CAMTA1: variants seen among roughly 807,000 people sequenced by gnomAD.
The protein encoded by CAMTA1 is calmodulin binding transcription activator 1.
In CAMTA1, 27 loss-of-function variants were observed where a neutral mutation model predicts 170.9. The ratio of observed to expected loss-of-function variants is 0.16; its 90% confidence interval spans 0.12 to 0.22. CAMTA1 has a LOEUF of 0.22. Among genes scored for constraint, CAMTA1 ranks in the 10% least tolerant of loss-of-function variants. CAMTA1 has a pLI of 1.00. For missense variants in CAMTA1, 1,619 were observed against 2,217.2 expected, an observed-to-expected ratio of 0.73 and a Z score of 5.42; for synonymous variants, 833 against 891.5, an observed-to-expected ratio of 0.93 and a Z score of 1.17.
intron 4 of CAMTA1, among the ~76,000 whole-genome samples, chr1:7,138,910 G>T (rs1645702073): frequency 6.6e-6 from 1 of 150,968 alleles, no homozygotes; most frequent in South Asian, 2.1e-4. Context: ...CAGGAGAATT[G>T]CTTGAACCCA....
chr1:7,313,294 C>T (rs72641296), intron 5 of CAMTA1, among the ~76,000 whole-genome samples: 5 of 152,316 alleles, frequency 3.3e-5, no homozygotes, highest in Non-Finnish European at 5.9e-5. Flanking sequence ...TTTCCCTCTC[C>T]CATATCCAGT....
intron 5 of CAMTA1, among the ~76,000 whole-genome samples, chr1:7,421,524 C>G (rs1291704880): frequency 1.3e-5 from 2 of 152,176 alleles, no homozygotes; most frequent in Non-Finnish European, 2.9e-5. Context: ...CTGGATTGCT[C>G]TGGGACTTAT....
chr1:7,076,397 C>T (rs529292523), intron 3 of CAMTA1, among the ~76,000 whole-genome samples: 16 of 152,324 alleles, frequency 1.1e-4, no homozygotes, highest in South Asian at 4.1e-4. Flanking sequence ...TTTTTCCCTG[C>T]AGCCCATGCT....
At chr1:7,440,129 AG>A (rs1397042697) in intron 5 of CAMTA1, among the ~76,000 whole-genome samples, 1 of 152,268 alleles carries the variant, frequency 6.6e-6, no homozygotes, top group Non-Finnish European at 1.5e-5. Flanking sequence ...CCCGTGGCAT[AG>A]GCGAGAGGGC....
Position 7,116,015 on chromosome 1 carries a change from G to A in CAMTA1, c.302+24644G>A, listed in dbSNP as rs145187638. Among the ~76,000 whole-genome samples, 827 of 152,190 alleles carry A rather than the reference G, an allele frequency of 5.4e-3. 4 individuals are homozygous for A. Among genetic ancestry groups the A allele is most frequent in the Non-Finnish European group, 8.4e-3 (572 of 68,006 alleles). On this transcript the variant is annotated intron_variant, in intron 4 of 22. Transcript: ENST00000303635. ...TGTTTGGCCAATATCCAAATACTTC[G>A]TGGCCCAGTTAGATTGACACATAAC... is the stretch of plus-strand genomic sequence containing the variant.
chr1:7,575,540 G>A (rs1207276927), intron 6 of CAMTA1, among the ~76,000 whole-genome samples: 1 of 152,230 alleles, frequency 6.6e-6, no homozygotes, highest in Non-Finnish European at 1.5e-5. Context: ...ATCTAAGCCT[G>A]CCTCTGCCTC....
chr1:7,655,420 A>ACC (rs1295943464), intron 7 of CAMTA1, among the ~76,000 whole-genome samples: 3 of 144,386 alleles, frequency 2.1e-5, no homozygotes, highest in African/African-American at 5.2e-5. Context: ...ATACACACAC[A>ACC]CCTATCCACA....
chr1:7,471,726 G>A (rs779412624), intron 6 of CAMTA1, among the ~76,000 whole-genome samples: 4 of 152,214 alleles, frequency 2.6e-5, no homozygotes, highest in African/African-American at 9.6e-5. Context: ...CCTGAGCCTC[G>A]TGAGGTAGAG....
chr1:7,374,387 A>G (rs1304891586), intron 5 of CAMTA1, among the ~76,000 whole-genome samples: 4 of 152,282 alleles, frequency 2.6e-5, no homozygotes, highest in East Asian at 1.9e-4. Context: ...TTCACATTCA[A>G]CACAAAAGGG....
At chr1:7,679,581 C>A (rs28514553) in intron 11 of CAMTA1, among the ~76,000 whole-genome samples, 24 of 46,282 alleles carry the variant, frequency 5.2e-4, no homozygotes, top group Non-Finnish European at 9.1e-4. Context: ...AGCTGCCCCC[C>A]CCCCCAGAAC....
intron 5 of CAMTA1, among the ~76,000 whole-genome samples, chr1:7,321,254 G>A (rs1678374603): frequency 1.3e-5 from 2 of 152,182 alleles, no homozygotes; most frequent in Admixed American, 6.5e-5. Flanking sequence ...CAACAAGGCC[G>A]TTGGCTGCCA....
At chr1:7,422,503 G>A (rs200066881) in intron 5 of CAMTA1, among the ~76,000 whole-genome samples, 2 of 152,238 alleles carry the variant, frequency 1.3e-5, no homozygotes, top group South Asian at 4.2e-4. Flanking sequence ...GTGCTGGGGG[G>A]ATCTGTGCTG....
chr1:6,852,049 G>A (rs1354999123), intron 3 of CAMTA1, among the ~76,000 whole-genome samples: 1 of 148,920 alleles, frequency 6.7e-6, no homozygotes, highest in Non-Finnish European at 1.5e-5. Flanking sequence ...GAAAAACTAC[G>A]TACTACATTG....
chr1:7,709,099 A>T (rs1164779635), intron 11 of CAMTA1, among the ~76,000 whole-genome samples: 1 of 152,032 alleles, frequency 6.6e-6, no homozygotes, highest in Non-Finnish European at 1.5e-5. Flanking sequence ...GCCTACCGTC[A>T]CCCATACTCC....
rs1250451037 is a variant in CAMTA1 at position 7,586,730 on chromosome 1, CA to C, written c.511-53669del. The stretch of plus-strand genomic sequence containing the variant: ...ACTGGGTCCTCACCACATCAGGGAT[CA>C]GGGGTGGGGGACTGTCGACAGCCCT... On this transcript the variant is annotated intron_variant, in intron 6 of 22. Coordinates refer to ENST00000303635, the MANE Select transcript of CAMTA1 (RefSeq NM_015215.4). 6.6e-5 allele frequency among the ~76,000 whole-genome samples: 10 copies of C among 152,228 alleles called. 1 individual carries two copies. Among genetic ancestry groups the C allele is most frequent in the Admixed American group, 2.0e-4 (3 of 15,302 alleles).
intron 4 of CAMTA1, among the ~76,000 whole-genome samples, chr1:7,244,289 A>G (rs539127391): frequency 1.3e-5 from 2 of 152,324 alleles, no homozygotes; most frequent in Admixed American, 1.3e-4. Flanking sequence ...TTACACTGTT[A>G]GTGGGACTGT....
intron 3 of CAMTA1, among the ~76,000 whole-genome samples, chr1:6,849,635 T>G (rs1557691886): frequency 1.3e-5 from 2 of 149,804 alleles, no homozygotes; most frequent in South Asian, 4.2e-4. Flanking sequence ...AAAAAAAAAA[T>G]TATATATATA....
At chr1:7,135,507 C>G (rs1645491244) in intron 4 of CAMTA1, among the ~76,000 whole-genome samples, 1 of 152,150 alleles carries the variant, frequency 6.6e-6, no homozygotes, top group African/African-American at 2.4e-5. Context: ...CTGTGGAAAG[C>G]AGTTTGGAGA....
Position 7,157,395 on chromosome 1 carries a change from T to A in CAMTA1, c.302+66024T>A, listed in dbSNP as rs202067551. ...CAAAGAAACAAAAAACAAAAAAAAA[T>A]TTTTTAGCAAGTTAGGGATAGAAGA... On this transcript the variant is annotated intron_variant, in intron 4 of 22. Coordinates refer to ENST00000303635, the MANE Select transcript of CAMTA1 (RefSeq NM_015215.4). 5.2e-3 allele frequency among the ~76,000 whole-genome samples: 518 copies of A among 99,888 alleles called. 1 individual carries two copies. The highest frequency in any genetic ancestry group is 0.018 in the African/African-American group (491 of 26,708). The allele number at this position is 99,888 out of a possible 152,430, so 65.5% of individuals were successfully genotyped here. A position where few individuals can be genotyped will look rare whatever the true frequency, so the allele number is the denominator to read the frequency against.
Sources: allele counts gnomAD v4.1 joint callset (sites outside exome capture counted in the v4.1 genomes callset), GRCh38; gene constraint gnomAD v4.1.1; transcripts MANE v1.5; gene names NCBI Gene and HGNC (gene_info 2026-07-23, HGNC 2026-07-21).